Variants in TECTA observed in about 807,000 individuals in gnomAD.
The protein encoded by TECTA is tectorin alpha, also known as alpha-tectorin.
A neutral mutation model predicts 216.8 loss-of-function variants in TECTA; 128 were observed. The ratio of observed to expected loss-of-function variants is 0.59; its 90% CI spans 0.51 to 0.68. The LOEUF (loss-of-function observed/expected upper bound fraction) is 0.68, where lower values mean the gene tolerates loss of function less well. Ranked by LOEUF, TECTA falls within the 30% of genes least tolerant of loss-of-function variation. The pLI, the probability that TECTA is intolerant of heterozygous loss-of-function variation, is 0.00. For missense variants in TECTA, 2,551 were observed against 2,786.2 expected (o/e 0.92, Z 1.90); for synonymous variants, 1,089 against 1,117.1 (o/e 0.97, Z 0.50).
chr11:121,128,648 C>T (rs1001686151), intron 9 of TECTA, among the ~76,000 whole-genome samples: 6 of 152,208 alleles, frequency 3.9e-5, no homozygotes, highest in Non-Finnish European at 8.8e-5. Context: ...CAGTATCACA[C>T]TTCATCTTAT....
At chr11:121,162,422 C>T (rs768119625) in intron 16 of TECTA, 52 bp downstream of exon 16, 2 of 1,578,682 alleles carry the variant, frequency 1.3e-6, no homozygotes, top group South Asian at 2.3e-5. Flanking sequence ...AAAAGAACAG[C>T]TTTGCTGGTA....
At chr11:121,117,531 T>C (rs992722882) in intron 6 of TECTA, among the ~76,000 whole-genome samples, 7 of 152,226 alleles carry the variant, frequency 4.6e-5, no homozygotes, top group Admixed American at 4.6e-4. Flanking sequence ...AATAATAGTG[T>C]TTTTAAAATT....
chr11:121,166,823 C>A lies in TECTA; in HGVS notation c.5586+43C>A, dbSNP rs774561474. On this transcript the variant is annotated intron_variant, in intron 18 of 23. Transcript: ENST00000392793. ...AAAGAGCACCTGGCAGAGGCAGCGA[C>A]AGCTTCGAGTGTTTGCACATTTATT... 30 of 1,605,844 alleles carry A rather than the reference C, an allele frequency of 1.9e-5. No individual in the cohort carries two copies. The African/African-American group carries it at 2.9e-4, about 16-fold the overall frequency.
At chr11:121,184,197 C>T (rs1947259077) in intron 20 of TECTA, among the ~76,000 whole-genome samples, 1 of 152,206 alleles carries the variant, frequency 6.6e-6, no homozygotes, top group Non-Finnish European at 1.5e-5. Flanking sequence ...GGTTACAACA[C>T]CAAATCACAG....
At chr11:121,175,311 C>A (rs1947154310) in intron 20 of TECTA, among the ~76,000 whole-genome samples, 1 of 151,830 alleles carries the variant, frequency 6.6e-6, no homozygotes, top group Admixed American at 6.6e-5. Flanking sequence ...ATCTTTCCTG[C>A]TTTCTCTTGT....
In TECTA at chr11:121,113,807, C is replaced by A; in HGVS notation, c.790+89C>A. On this transcript the variant is annotated intron_variant, in intron 6 of 23. Transcript: ENST00000392793. The surrounding 1 kb of genome is among the most constrained non-coding windows in gnomAD (Gnocchi z 4.2). ...TTTAAGCCACGGGGGCGGACTCATT[C>A]CTGATGCCTTACTCTTTTGACATCT... is the stretch of plus-strand genomic sequence containing the variant. 1 of 1,479,662 alleles carries A rather than the reference C, an allele frequency of 6.8e-7. No homozygotes were observed. The highest frequency in any genetic ancestry group is 9.3e-7 in the Non-Finnish European group (1 of 1,072,016). The allele number at this position is 1,479,662 out of a possible 1,614,324, so 91.7% of individuals were successfully genotyped here.
intron 3 of TECTA, among the ~76,000 whole-genome samples, chr11:121,108,452 C>A (rs1037731173): frequency 5.8e-5 from 8 of 137,600 alleles, no homozygotes; most frequent in African/African-American, 2.1e-4. Context: ...AGCACACACA[C>A]CCCACCCCTA....
chr11:121,184,405 C>T (rs988371314), intron 20 of TECTA, among the ~76,000 whole-genome samples: 7 of 152,186 alleles, frequency 4.6e-5, no homozygotes, highest in Admixed American at 3.9e-4. Flanking sequence ...TGCAGGGAAT[C>T]CCAGGCCTAT....
chr11:121,173,016 A>G (rs1220365), intron 20 of TECTA, among the ~76,000 whole-genome samples: 67,342 of 148,286 alleles, frequency 0.45, 17,850 homozygotes, highest in African/African-American at 0.75. Context: ...CATGTCCTTC[A>G]CCCACTTTTT....
intron 20 of TECTA, among the ~76,000 whole-genome samples, chr11:121,184,703 T>C (rs1947263440): frequency 6.6e-6 from 1 of 152,150 alleles, no homozygotes; most frequent in Non-Finnish European, 1.5e-5. Flanking sequence ...GAAATCCTTT[T>C]AGGTTTCAAG....
At chr11:121,183,736 AT>A (rs1947254706) in intron 20 of TECTA, among the ~76,000 whole-genome samples, 1 of 152,196 alleles carries the variant, frequency 6.6e-6, no homozygotes, top group Non-Finnish European at 1.5e-5. Flanking sequence ...AAAAAAAATA[AT>A]TCTTTATTCT....
chr11:121,160,751 G>A lies in TECTA; in HGVS notation c.4976+330G>A, dbSNP rs569757217. 4.6e-5 allele frequency among the ~76,000 whole-genome samples: 7 copies of A among 152,326 alleles called. No homozygotes were observed. In the East Asian group the frequency reaches 1.3e-3, roughly 29 times the overall value. On this transcript the variant is annotated intron_variant, in intron 15 of 23. Coordinates refer to ENST00000392793, the MANE Select transcript of TECTA (RefSeq NM_005422.4). ...TGGGACCTAGGCACCTCTGCTGGGT[G>A]TGGAATTAAGAGGTGACTGAGAAGA...
chr11:121,167,838 T>C (rs982567057), intron 18 of TECTA, among the ~76,000 whole-genome samples: 1 of 152,224 alleles, frequency 6.6e-6, no homozygotes, highest in African/African-American at 2.4e-5. Flanking sequence ...CCACGGGTAT[T>C]CAAGGTTATC....
chr11:121,160,625 G>A (rs1946989723), intron 15 of TECTA, among the ~76,000 whole-genome samples: 1 of 152,194 alleles, frequency 6.6e-6, no homozygotes, highest in Non-Finnish European at 1.5e-5. Context: ...AAGGAGTTGG[G>A]CTTAGATGAT....
chr11:121,168,526 G>T, intron 19 of TECTA, 151 bp from the exon 20 acceptor site: 1 of 1,134,282 alleles, frequency 8.8e-7, no homozygotes, highest in Non-Finnish European at 1.3e-6. Flanking sequence ...ATTGCCCCAT[G>T]TGGCTAGCAG....
Position 121,118,453 on chromosome 11 carries a change from A to C in TECTA, c.938A>C (p.Tyr313Ser), listed in dbSNP as rs144429489. The change falls in exon 7 of 24, where the codon TAC (tyrosine) becomes TCC (serine). Residue 313 changes from tyrosine to serine, a missense_variant. Tyr to Ser is a moderately radical substitution (Grantham distance 144). Coordinates refer to ENST00000392793, the MANE Select transcript of TECTA (RefSeq NM_005422.4). ...TGCGAACCCAAAGGCAAATTCTTCT[A>C]CTGCAGCGCTGTGGAGACCAGCACA... ...EVCEPKGKFF[Y>S]CSAVETSTCV... 1.2e-6 allele frequency: 2 copies of C among 1,614,166 alleles called. No homozygotes were observed. Among genetic ancestry groups the C allele is most frequent in the Admixed American group, 3.3e-5 (2 of 60,024 alleles).
At chr11:121,122,672 CA>C (rs33994765) in intron 7 of TECTA, among the ~76,000 whole-genome samples, 121 of 48,930 alleles carry the variant, frequency 2.5e-3, no homozygotes, top group East Asian at 0.017. Context: ...CCTGTCTCTC[CA>C]AAAAAAAAAA....
In TECTA at chr11:121,165,213, G is replaced by A. The variant is rs905010841; in HGVS notation, c.5273-60G>A. 2.0e-6 allele frequency: 3 copies of A among 1,501,618 alleles called. No homozygotes were observed. The African/African-American group carries it at 4.2e-5, about 21-fold the overall frequency. 93.0% of individuals were successfully genotyped at this position (1,501,618 alleles called of 1,614,324 possible). On this transcript the variant is annotated intron_variant, in intron 16 of 23. Coordinates refer to ENST00000392793, the MANE Select transcript of TECTA (RefSeq NM_005422.4). ...TGGCAAGTCTGGAGTGGAACCAAAA[G>A]CTACCGCATGTAGGTGTGAAAATGA...
At chr11:121,116,458 C>T (rs1315931404) in intron 6 of TECTA, among the ~76,000 whole-genome samples, 8 of 152,224 alleles carry the variant, frequency 5.3e-5, no homozygotes, top group East Asian at 1.9e-4. Context: ...GCTGTGATAA[C>T]GGAAAACACT....
Sources: gnomAD v4.1 joint callset for allele counts (sites outside exome capture counted in the v4.1 genomes callset) on GRCh38, gnomAD v4.1.1 for gene constraint, Gnocchi (gnomAD v3.1) non-coding constraint, MANE v1.5 for transcripts, NCBI Gene and HGNC (gene_info 2026-07-23, HGNC 2026-07-21) for gene names.